SIM1: variants seen among roughly 807,000 people sequenced by gnomAD.
The protein encoded by SIM1 is single-minded homolog 1.
Under a neutral mutation model 78.2 loss-of-function variants are expected in SIM1, and 18 were observed. The observed-to-expected ratio is 0.23, with a 90% CI of 0.16 to 0.34. The LOEUF (loss-of-function observed/expected upper bound fraction) is 0.34, where lower values mean the gene tolerates loss of function less well. SIM1 is among the 10% of genes least tolerant of loss of function. The pLI is 1.00. For missense variants in SIM1, 939 were observed against 975.1 expected (o/e 0.96, Z 0.49); for synonymous variants, 417 against 385.2 (o/e 1.08, Z -0.97).
In SIM1 at chr6:100,390,669, G is replaced by A. The variant is rs267600748; in HGVS notation, c.1993C>T (p.Arg665Cys). The A allele has an allele frequency of 5.0e-6, 8 of 1,613,994 alleles. No individual in the cohort carries two copies. Among genetic ancestry groups the A allele is most frequent in the Admixed American group, 3.3e-5 (2 of 59,998 alleles). ...AGGATCAAACTGGATTTTGAAATGC[G>A]ATCCGAATTGGGACTACTTATCCGA... is the stretch of plus-strand genomic sequence containing the variant. ...LSRISSPNSDRISKSSLILAK... is the reference protein window; with the variant it reads ...LSRISSPNSDCISKSSLILAK... Residue 665 changes from arginine to cysteine, a missense_variant, in exon 12 of 12, where the codon CGC (arginine) becomes TGC (cysteine). Arg to Cys is a radical substitution (Grantham distance 180). Around this residue, in one of 5 missense-constraint regions of SIM1, gnomAD observed 556 missense variants for 521.9 expected, o/e 1.07. Coordinates refer to ENST00000369208, the MANE Select transcript of SIM1 (RefSeq NM_005068.3).
At chr6:100,414,503 T>C (rs1437580796) in intron 10 of SIM1, among the ~76,000 whole-genome samples, 1 of 152,222 alleles carries the variant, frequency 6.6e-6, no homozygotes, top group East Asian at 1.9e-4. Flanking sequence ...AGGTCTACTC[T>C]AATAATCTCC....
chr6:100,418,208 G>T (rs1439031938), intron 10 of SIM1, among the ~76,000 whole-genome samples: 1 of 151,552 alleles, frequency 6.6e-6, no homozygotes, highest in Non-Finnish European at 1.5e-5. Flanking sequence ...AAAAATTAAT[G>T]GGGCACATTG....
At position 100,461,829 on chromosome 6, in the gene SIM1, CTT is replaced by C. The variant is rs201696652; in HGVS notation, c.175+1463_175+1464del. Among the ~76,000 whole-genome samples, 280 of 95,740 alleles carry C rather than the reference CTT, an allele frequency of 2.9e-3. 1 individual carries two copies. Among genetic ancestry groups the C allele is most frequent in the African/African-American group, 0.011 (270 of 23,744 alleles). 62.8% of individuals were successfully genotyped at this position (95,740 alleles called of 152,430 possible). On this transcript the variant is annotated intron_variant, in intron 2 of 11. Coordinates refer to ENST00000369208, the MANE Select transcript of SIM1 (RefSeq NM_005068.3). ...TTCCCCTTCTTTTTCTTCTTTTTTTCTTTCTTTCTTTCTTTTTTTTTTTTTTT... is the reference window on the plus strand; with the variant it reads ...TTCCCCTTCTTTTTCTTCTTTTTTTCTCTTTCTTTCTTTTTTTTTTTTTTT...
intron 9 of SIM1, among the ~76,000 whole-genome samples, chr6:100,441,579 A>G (rs1333995476): frequency 6.6e-6 from 1 of 152,232 alleles, no homozygotes. Context: ...GGTTGCAGAA[A>G]TAGAATAATT....
chr6:100,386,128 G>A lies in SIM1; in HGVS notation c.*4233C>T, dbSNP rs1464309578. 2.0e-5 allele frequency: 3 copies of A among 151,880 alleles called. No homozygotes were observed. Among genetic ancestry groups the A allele is most frequent in the Non-Finnish European group, 2.9e-5 (2 of 67,860 alleles). The allele number at this position is 151,880 out of a possible 1,614,324, so 9.4% of individuals were successfully genotyped here. A position where few individuals can be genotyped will look rare whatever the true frequency, so the allele number is the denominator to read the frequency against. On this transcript the variant is annotated 3_prime_UTR_variant, in exon 12 of 12. Coordinates refer to ENST00000369208, the MANE Select transcript of SIM1 (RefSeq NM_005068.3). ...GAATCATTTATTTGGAGGACCATAG[G>A]ATTTACATTCTTTTTAAAATCATTA...
chr6:100,393,635 T>C lies in SIM1; in HGVS notation c.1422A>G (p.Ala474=). The change falls in exon 11 of 12, where the codon GCA becomes GCG. Residue 474 remains alanine, a synonymous_variant. Coordinates refer to ENST00000369208, the MANE Select transcript of SIM1 (RefSeq NM_005068.3). ...GCGGCGTTCCCAGGAAGTACCTGCCTGCCTCACATCGGCCTCCTTCACAGG... is the reference window on the plus strand; with the variant it reads ...GCGGCGTTCCCAGGAAGTACCTGCCCGCCTCACATCGGCCTCCTTCACAGG... ...TQACEGGRCE[A]GRYFLGTPQA... 1 of 1,614,168 alleles carries C rather than the reference T, an allele frequency of 6.2e-7. No homozygotes were observed. Among genetic ancestry groups the C allele is most frequent in the Middle Eastern group, 1.6e-4 (1 of 6,062 alleles).
intron 9 of SIM1, among the ~76,000 whole-genome samples, chr6:100,443,505 A>G (rs1408580953): frequency 6.6e-6 from 1 of 152,166 alleles, no homozygotes; most frequent in Non-Finnish European, 1.5e-5. Context: ...TTTAAAATAC[A>G]GTATCATTTA....
chr6:100,463,140 T>G (rs1772896978), intron 2 of SIM1, 154 bp downstream of exon 2: 7 of 608,920 alleles, frequency 1.1e-5, no homozygotes, highest in Non-Finnish European at 2.0e-5. Context: ...CTGAGTTCAG[T>G]GAGGACCTTA....
chr6:100,453,909 G>T, intron 2 of SIM1, 65 bp from the exon 3 acceptor site: 1 of 1,256,792 alleles, frequency 8.0e-7, no homozygotes, highest in Non-Finnish European at 1.1e-6. Context: ...TTGGGACCAA[G>T]TCCCGCGACT....
intron 10 of SIM1, among the ~76,000 whole-genome samples, chr6:100,403,328 G>A (rs1770975559): frequency 6.6e-6 from 1 of 152,144 alleles, no homozygotes; most frequent in Admixed American, 6.5e-5. Context: ...CTCTCCCCTG[G>A]AATTCAGCTT....
At chr6:100,414,406 C>T (rs1208066030) in intron 10 of SIM1, among the ~76,000 whole-genome samples, 1 of 152,194 alleles carries the variant, frequency 6.6e-6, no homozygotes, top group Non-Finnish European at 1.5e-5. Flanking sequence ...AAAAACCAAA[C>T]TACAGAGGCC....
chr6:100,390,652 A>C lies in SIM1; in HGVS notation c.2010T>G (p.Ser670Arg). The C allele has an allele frequency of 3.7e-6, 6 of 1,614,174 alleles. No individual in the cohort carries two copies. The highest frequency in any genetic ancestry group is 5.1e-6 in the Non-Finnish European group (6 of 1,180,022). ...GCAGATAGTCTTTAGCTAGGATCAAACTGGATTTTGAAATGCGATCCGAAT... is the reference window on the plus strand; with the variant it reads ...GCAGATAGTCTTTAGCTAGGATCAACCTGGATTTTGAAATGCGATCCGAAT... ...SPNSDRISKS[S>R]LILAKDYLHS... is the part of the protein sequence containing the mutation. Residue 670 changes from serine (S) to arginine (R), a missense_variant, in exon 12 of 12, where the codon AGT becomes AGG. Ser to Arg is a moderately radical substitution (Grantham distance 110, BLOSUM62 -1). Coordinates refer to ENST00000369208, the MANE Select transcript of SIM1 (RefSeq NM_005068.3).
chr6:100,423,773 A>G (rs1771654418), intron 9 of SIM1, among the ~76,000 whole-genome samples: 1 of 152,232 alleles, frequency 6.6e-6, no homozygotes, highest in African/African-American at 2.4e-5. Context: ...CCTACCTGCC[A>G]TTAGACATCA....
In SIM1 at chr6:100,403,845, T is replaced by G. The variant is rs193126220; in HGVS notation, c.1168-9956A>C. Among the ~76,000 whole-genome samples, 514 of 152,324 alleles carry G rather than the reference T, an allele frequency of 3.4e-3. 2 individuals carry two copies. Among genetic ancestry groups the G allele is most frequent in the African/African-American group, 0.012 (503 of 41,586 alleles). On this transcript the variant is annotated intron_variant, in intron 10 of 11. Transcript: ENST00000369208. Reference sequence around the variant, plus strand: ...ACTGTTTTATTAAATGCTAACAACATCTTAAAAGTATTATTAATCCCTTTA... The same window carrying G: ...ACTGTTTTATTAAATGCTAACAACAGCTTAAAAGTATTATTAATCCCTTTA...
chr6:100,396,198 G>T, intron 10 of SIM1: 1 of 333,110 alleles, frequency 3.0e-6, no homozygotes, highest in South Asian at 1.2e-4. Flanking sequence ...CTATACATGT[G>T]TTCCTTGAGA....
At position 100,390,424 on chromosome 6, in the gene SIM1, C is replaced by T. The variant is rs1238710586; in HGVS notation, c.2238G>A (p.Arg746=). The change falls in exon 12 of 12, where the codon AGG becomes AGA. Residue 746 remains arginine, a synonymous_variant. Transcript: ENST00000369208. ...GSHFDVTSHL[R]MQPDPAQGHK... is the part of the protein sequence containing the mutation. ...GTCCTTGTGCTGGGTCTGGTTGCAT[C>T]CTCAGATGGGAAGTTACATCAAAGT... 15 of 1,613,992 alleles carry T rather than the reference C, an allele frequency of 9.3e-6. No homozygotes were observed. Among genetic ancestry groups the T allele is most frequent in the Non-Finnish European group, 1.2e-5 (14 of 1,180,012 alleles).
intron 10 of SIM1, among the ~76,000 whole-genome samples, chr6:100,412,671 G>GAA (rs1177089116): frequency 8.5e-4 from 82 of 96,416 alleles, no homozygotes; most frequent in Admixed American, 9.1e-4. Flanking sequence ...GAGAGAGAGA[G>GAA]AGAAAGAAAG....
intron 2 of SIM1, among the ~76,000 whole-genome samples, chr6:100,457,815 C>T (rs996155055): frequency 6.6e-6 from 1 of 152,172 alleles, no homozygotes; most frequent in Non-Finnish European, 1.5e-5. Context: ...CATCGGCGAG[C>T]GCGCCGGGCC....
At chr6:100,434,454 G>A (rs750853765) in intron 9 of SIM1, among the ~76,000 whole-genome samples, 2 of 152,194 alleles carry the variant, frequency 1.3e-5, no homozygotes, top group Non-Finnish European at 2.9e-5. Flanking sequence ...TTTGCCTGTC[G>A]CTTGTTTGGA....
Sources: gnomAD v4.1 joint callset for allele counts (sites outside exome capture counted in the v4.1 genomes callset) on GRCh38, gnomAD v4.1.1 for gene constraint, gnomAD v4.1.1 regional missense constraint, MANE v1.5 for transcripts, NCBI Gene and HGNC (gene_info 2026-07-23, HGNC 2026-07-21) for gene names.